Variants in ASH1L observed in about 807,000 individuals in gnomAD.
ASH1L encodes ASH1 like histone lysine methyltransferase.
Under a neutral mutation model 269.0 loss-of-function variants are expected in ASH1L, and 23 were observed. The ratio of observed to expected loss-of-function variants is 0.09; its 90% CI spans 0.06 to 0.12. The LOEUF (loss-of-function observed/expected upper bound fraction) is 0.12. Among genes scored for constraint, ASH1L ranks in the 10% least tolerant of loss-of-function variants. The pLI is 1.00. For synonymous variants in ASH1L, 1,187 were observed against 1,253.5 expected, an observed-to-expected ratio of 0.95 and a Z score of 1.12; for missense variants, 2,912 against 3,567.8, an observed-to-expected ratio of 0.82 and a Z score of 4.68.
chr1:155,525,152 C>A (rs1415762206), intron 1 of ASH1L, among the ~76,000 whole-genome samples: 1 of 151,858 alleles, frequency 6.6e-6, no homozygotes, highest in African/African-American at 2.4e-5. Flanking sequence ...GAGGATGAGG[C>A]AAGAAGATGG....
chr1:155,365,367 G>A (rs984226864), intron 12 of ASH1L, among the ~76,000 whole-genome samples: 7 of 145,974 alleles, frequency 4.8e-5, no homozygotes, highest in South Asian at 2.2e-4. Context: ...CACTATGCCC[G>A]GCTGATTTTT....
chr1:155,356,372 C>T (rs779563908), intron 15 of ASH1L, among the ~76,000 whole-genome samples: 2 of 151,974 alleles, frequency 1.3e-5, no homozygotes, highest in African/African-American at 2.4e-5. Context: ...TGGAGGCTCA[C>T]GCCTGTAATC....
intron 2 of ASH1L, among the ~76,000 whole-genome samples, chr1:155,488,125 T>A (rs1666452537): frequency 6.6e-6 from 1 of 151,598 alleles, no homozygotes; most frequent in Non-Finnish European, 1.5e-5. Context: ...GACCTCGTGA[T>A]CCACCCGCCT....
chr1:155,337,719 ATCCT>A lies in ASH1L; in HGVS notation c.8832_8835del (p.Glu2944AspfsTer90), dbSNP rs1357410862. The A allele has an allele frequency of 6.2e-7, 1 of 1,614,066 alleles. No individual in the cohort carries two copies. Among genetic ancestry groups the A allele is most frequent in the Non-Finnish European group, 8.5e-7 (1 of 1,179,914 alleles). On this transcript the variant is annotated frameshift_variant, in exon 28 of 28. Coordinates refer to ENST00000392403, the MANE Select transcript of ASH1L (RefSeq NM_018489.3). LOFTEE classifies it high-confidence loss of function. ...GTACGCCTTCGCAGTTTCCTGCCTG[ATCCT>A]TCCTCCAGCAAGTAGGTCACATCAA...
At chr1:155,451,633 C>T (rs1170250157) in intron 4 of ASH1L, among the ~76,000 whole-genome samples, 3 of 152,006 alleles carry the variant, frequency 2.0e-5, no homozygotes, top group Admixed American at 6.6e-5. Flanking sequence ...GTGGTGGACA[C>T]CTGTAATCCC....
intron 4 of ASH1L, among the ~76,000 whole-genome samples, chr1:155,453,381 C>T (rs757309731): frequency 5.9e-5 from 9 of 152,098 alleles, no homozygotes; most frequent in East Asian, 1.9e-4. Context: ...TGTGGCTAAA[C>T]GCCTTTGCAA....
At chr1:155,349,645 G>GGCAA (rs775539175) in intron 17 of ASH1L, 49 bp from the exon 18 acceptor site, 2 of 1,544,878 alleles carry the variant, frequency 1.3e-6, no homozygotes, top group Non-Finnish European at 1.8e-6. Context: ...ATACAAGGGA[G>GGCAA]GCAAGCATCT....
At chr1:155,435,092 A>T (rs1661980380) in intron 5 of ASH1L, among the ~76,000 whole-genome samples, 1 of 152,180 alleles carries the variant, frequency 6.6e-6, no homozygotes, top group African/African-American at 2.4e-5. Context: ...CAGGAGACAG[A>T]GGTTGCAGTG....
chr1:155,455,012 G>A (rs546907683), intron 4 of ASH1L, among the ~76,000 whole-genome samples: 4 of 152,176 alleles, frequency 2.6e-5, no homozygotes, highest in African/African-American at 9.6e-5. Flanking sequence ...ATAAAAAGAC[G>A]AAATGATTCT....
intron 6 of ASH1L, 135 bp downstream of exon 6, chr1:155,415,609 C>T (rs1660149037): frequency 2.1e-6 from 2 of 968,652 alleles, no homozygotes; most frequent in Admixed American, 4.4e-5. Context: ...GGGAGGCGTA[C>T]CTCATACATG....
chr1:155,450,550 T>C (rs1004226886), intron 4 of ASH1L, among the ~76,000 whole-genome samples: 1 of 152,242 alleles, frequency 6.6e-6, no homozygotes, highest in African/African-American at 2.4e-5. Flanking sequence ...TTGTCTTCCT[T>C]TAAAAAATGT....
chr1:155,516,796 T>C (rs1668530109), intron 2 of ASH1L, among the ~76,000 whole-genome samples: 1 of 152,074 alleles, frequency 6.6e-6, no homozygotes, highest in South Asian at 2.1e-4. Context: ...AAAAACTAGT[T>C]GTATTTCTAT....
chr1:155,359,710 G>A (rs1480289379), intron 13 of ASH1L, among the ~76,000 whole-genome samples: 3 of 151,974 alleles, frequency 2.0e-5, no homozygotes, highest in East Asian at 1.9e-4. Context: ...CAAGTAGCTG[G>A]GACCACAGGC....
chr1:155,521,041 A>C, intron 2 of ASH1L, 59 bp downstream of exon 2: 2 of 1,482,814 alleles, frequency 1.3e-6, no homozygotes, highest in Non-Finnish European at 1.8e-6. Context: ...ATAGGATAAA[A>C]ATTAATAGGG....
At chr1:155,523,420 A>T (rs1669020631) in intron 1 of ASH1L, among the ~76,000 whole-genome samples, 1 of 152,168 alleles carries the variant, frequency 6.6e-6, no homozygotes, top group Non-Finnish European at 1.5e-5. Flanking sequence ...TGAACCTTGA[A>T]GGTCGAGGCT....
rs184415254 is a variant in ASH1L at position 155,422,670 on chromosome 1, A to G, written c.5829-6747T>C. ...TTCTTTCTGTTTTTTTTTTTTTGAG[A>G]CTGAGTTTTACTCTGCCGCTGAGGC... On this transcript the variant is annotated intron_variant, in intron 5 of 27. Coordinates refer to ENST00000392403, the MANE Select transcript of ASH1L (RefSeq NM_018489.3). 5.0e-5 allele frequency among the ~76,000 whole-genome samples: 7 copies of G among 140,710 alleles called. No individual in the cohort carries two copies. In the East Asian group the frequency reaches 1.5e-3, roughly 30 times the overall value. The allele number at this position is 140,710 out of a possible 152,430, so 92.3% of individuals were successfully genotyped here. A position where few individuals can be genotyped will look rare whatever the true frequency, so the allele number is the denominator to read the frequency against.
At chr1:155,392,495 A>G (rs1178494646) in intron 7 of ASH1L, among the ~76,000 whole-genome samples, 1 of 151,618 alleles carries the variant, frequency 6.6e-6, no homozygotes, top group East Asian at 1.9e-4. Flanking sequence ...TTTCTTATTT[A>G]TTTATTTATT....
At chr1:155,436,547 AGTGCAGTG>A (rs1417535529) in intron 5 of ASH1L, among the ~76,000 whole-genome samples, 1 of 115,322 alleles carries the variant, frequency 8.7e-6, no homozygotes, top group African/African-American at 3.4e-5. Context: ...CCCAGGCTGG[AGTGCAGTG>A]GCGCAATCTC....
At chr1:155,389,366 T>C (rs1364781542) in intron 7 of ASH1L, among the ~76,000 whole-genome samples, 1 of 152,086 alleles carries the variant, frequency 6.6e-6, no homozygotes, top group Non-Finnish European at 1.5e-5. Context: ...TCTGAATATA[T>C]GTTTATTTAA....
Sources: gnomAD v4.1 joint callset for allele counts (sites outside exome capture counted in the v4.1 genomes callset) on GRCh38, gnomAD v4.1.1 for gene constraint, MANE v1.5 for transcripts, NCBI Gene and HGNC (gene_info 2026-07-23, HGNC 2026-07-21) for gene names.